Variants in MAST4 observed in about 807,000 individuals in gnomAD.
MAST4 encodes the protein microtubule-associated serine/threonine-protein kinase 4.
In MAST4, 89 loss-of-function variants were observed where a neutral mutation model predicts 162.7. That is an observed-to-expected ratio of 0.55 (90% CI 0.46 to 0.65). The LOEUF (loss-of-function observed/expected upper bound fraction) is 0.65. Ranked by LOEUF, MAST4 falls within the 30% of genes least tolerant of loss-of-function variation. The pLI is 0.00. For synonymous variants in MAST4, 1,479 were observed against 1,361.1 expected (o/e 1.09, Z -1.91); for missense variants, 3,153 against 3,374.0 (o/e 0.93, Z 1.62).
intron 14 of MAST4, among the ~76,000 whole-genome samples, chr5:67,128,916 G>A (rs1442106939): frequency 1.3e-5 from 2 of 152,192 alleles, no homozygotes; most frequent in Non-Finnish European, 2.9e-5. Context: ...ATATTGACAG[G>A]TGAGGAAGAC....
chr5:66,851,671 C>A (rs1759322453), intron 3 of MAST4, among the ~76,000 whole-genome samples: 2 of 152,230 alleles, frequency 1.3e-5, no homozygotes, highest in South Asian at 4.1e-4. Flanking sequence ...TTATTAACAC[C>A]ACATATCAGT....
At chr5:66,640,850 G>T (rs77612541) in intron 1 of MAST4, among the ~76,000 whole-genome samples, 2,179 of 152,214 alleles carry the variant, frequency 0.014, 53 homozygotes, top group African/African-American at 0.05. Context: ...CATTAGCAAT[G>T]TACCAGGGTT....
chr5:66,821,834 GTAGCTGAGCAGC>G (rs1483944539), intron 3 of MAST4, among the ~76,000 whole-genome samples: 1 of 152,146 alleles, frequency 6.6e-6, no homozygotes, highest in Non-Finnish European at 1.5e-5. Context: ...AGCCAGGAAG[GTAGCTGAGCAGC>G]TGTGTGAAGC....
chr5:66,835,935 C>T (rs543464727), intron 3 of MAST4, among the ~76,000 whole-genome samples: 3 of 152,028 alleles, frequency 2.0e-5, no homozygotes, highest in East Asian at 3.9e-4. Context: ...TTTGGGAGGC[C>T]GAGGTGGGCG....
At chr5:67,003,587 T>A (rs1751537458) in intron 4 of MAST4, among the ~76,000 whole-genome samples, 1 of 152,222 alleles carries the variant, frequency 6.6e-6, no homozygotes, top group African/African-American at 2.4e-5. Flanking sequence ...CTTTTTTGAT[T>A]TAGTATTTCT....
intron 4 of MAST4, among the ~76,000 whole-genome samples, chr5:67,012,019 T>A (rs190303473): frequency 3.0e-4 from 45 of 151,940 alleles, no homozygotes; most frequent in African/African-American, 1.0e-3. Flanking sequence ...TGAGAGAGAG[T>A]GTGTTTCTGT....
intron 4 of MAST4, among the ~76,000 whole-genome samples, chr5:67,021,575 C>T (rs1356321528): frequency 6.6e-6 from 1 of 152,120 alleles, no homozygotes; most frequent in African/African-American, 2.4e-5. Context: ...CTCAAAGGAG[C>T]AATAAGATTT....
intron 1 of MAST4, among the ~76,000 whole-genome samples, chr5:66,636,981 CA>C (rs150662116): frequency 5.6e-4 from 85 of 152,280 alleles, no homozygotes; most frequent in African/African-American, 1.9e-3. Context: ...CAAAAATAAT[CA>C]TTTGTATATA....
intron 1 of MAST4, among the ~76,000 whole-genome samples, chr5:66,737,184 C>T (rs1451177518): frequency 6.6e-6 from 1 of 152,158 alleles, no homozygotes; most frequent in Non-Finnish European, 1.5e-5. Context: ...GCAGCCAGGA[C>T]AGCAGTCCTC....
At position 67,093,023 on chromosome 5, in the gene MAST4, T is replaced by TC. The variant is rs557561105; in HGVS notation, c.834-2574_834-2573insC. On this transcript the variant is annotated intron_variant, in intron 6 of 28. Transcript: ENST00000403625. ...CCAACATCAACTAGAATATTTGGTG[T>TC]ATCACTCCAGGTAACTATAACAATA... Among the ~76,000 whole-genome samples, 4 of 152,340 alleles carry TC rather than the reference T, an allele frequency of 2.6e-5. No individual in the cohort carries two copies. In the South Asian group the frequency reaches 8.3e-4, roughly 32 times the overall value.
chr5:66,613,172 T>G (rs1269007261), intron 1 of MAST4, among the ~76,000 whole-genome samples: 2 of 152,196 alleles, frequency 1.3e-5, no homozygotes, highest in African/African-American at 4.8e-5. Flanking sequence ...TGCCTTGGCC[T>G]TCCAAAGTGC....
chr5:66,660,546 T>C (rs1361446961), intron 1 of MAST4, among the ~76,000 whole-genome samples: 1 of 152,212 alleles, frequency 6.6e-6, no homozygotes, highest in Non-Finnish European at 1.5e-5. Flanking sequence ...GGGACTTACT[T>C]AGAGAACATC....
At chr5:66,927,544 C>T (rs935694818) in intron 4 of MAST4, among the ~76,000 whole-genome samples, 2 of 152,128 alleles carry the variant, frequency 1.3e-5, no homozygotes, top group Non-Finnish European at 2.9e-5. Context: ...TGGAACCACC[C>T]CTGAAGTCTG....
At chr5:66,770,226 T>TTA (rs1460585553) in intron 2 of MAST4, among the ~76,000 whole-genome samples, 2 of 152,234 alleles carry the variant, frequency 1.3e-5, no homozygotes, top group African/African-American at 4.8e-5. Context: ...CTATGACAGT[T>TTA]TATAGCCTGG....
intron 13 of MAST4, among the ~76,000 whole-genome samples, chr5:67,119,265 A>G (rs1282759694): frequency 2.0e-5 from 3 of 152,122 alleles, no homozygotes; most frequent in African/African-American, 7.2e-5. Flanking sequence ...AATCACACTG[A>G]CTGCAGTGCA....
intron 4 of MAST4, among the ~76,000 whole-genome samples, chr5:67,031,115 T>C (rs556583900): frequency 6.6e-6 from 1 of 152,296 alleles, no homozygotes; most frequent in Admixed American, 6.5e-5. Flanking sequence ...GGATGATCTC[T>C]GACTAGACTA....
chr5:66,931,323 C>A (rs1223822731), intron 4 of MAST4, among the ~76,000 whole-genome samples: 1 of 152,008 alleles, frequency 6.6e-6, no homozygotes, highest in Non-Finnish European at 1.5e-5. Context: ...GGTCCTAGTA[C>A]CCTGTTTTTC....
rs114165152 is a variant in MAST4 at position 66,708,078 on chromosome 5, A to T, written c.364-51631A>T. Among the ~76,000 whole-genome samples, 988 of 152,290 alleles carry T rather than the reference A, an allele frequency of 6.5e-3. 2 individuals are homozygous for T. The highest frequency in any genetic ancestry group is 0.03 in the South Asian group (143 of 4,828). On this transcript the variant is annotated intron_variant, in intron 1 of 28. Transcript: ENST00000403625. ...TTTAGAGAAGACTGAAATTCAAAAT[A>T]ATTAAATTACTTTTCTGAGTGTGCA...
At chr5:66,788,629 G>C (rs1755231496) in intron 2 of MAST4, 41 bp from the exon 3 acceptor site, 1 of 996,668 alleles carries the variant, frequency 1.0e-6, no homozygotes, top group Middle Eastern at 2.5e-4. Context: ...ACTACTACCG[G>C]CTGCCTGTCA....
Sources: gnomAD v4.1 joint callset for allele counts (sites outside exome capture counted in the v4.1 genomes callset) on GRCh38, gnomAD v4.1.1 for gene constraint, MANE v1.5 for transcripts, NCBI Gene and HGNC (gene_info 2026-07-23, HGNC 2026-07-21) for gene names.